SEC22A: variants seen among roughly 807,000 people sequenced by gnomAD.
The protein encoded by SEC22A is vesicle-trafficking protein SEC22a.
Under a neutral mutation model 35.3 loss-of-function variants are expected in SEC22A, and 22 were observed. That is an observed-to-expected ratio of 0.62 (90% CI 0.45 to 0.89). The LOEUF is 0.89. Among genes scored for constraint, SEC22A ranks in the 40% least tolerant of loss-of-function variants. SEC22A has a pLI of 0.00. For synonymous variants in SEC22A, 119 were observed against 129.5 expected (o/e 0.92, Z 0.55); for missense variants, 354 against 362.5 (o/e 0.98, Z 0.19).
chr3:123,231,095 G>A (rs1001047860), intron 4 of SEC22A, among the ~76,000 whole-genome samples: 5 of 152,042 alleles, frequency 3.3e-5, no homozygotes, highest in African/African-American at 1.2e-4. Flanking sequence ...ATGATAAAAG[G>A]GTGAATCAAT....
In SEC22A at chr3:123,225,315, G is replaced by C; in HGVS notation, c.541+18G>C. On this transcript the variant is annotated intron_variant, in intron 4 of 6. Transcript: ENST00000492595. ...TTCTTCTGGTGAGTTCTGGATCTCA[G>C]TTATTTTATTTTAAAAAAATCCTTG... 6.8e-7 allele frequency: 1 copy of C among 1,460,484 alleles called. No homozygotes were observed. The highest frequency in any genetic ancestry group is 9.3e-7 in the Non-Finnish European group (1 of 1,079,954). 90.5% of individuals were successfully genotyped at this position (1,460,484 alleles called of 1,614,324 possible).
At position 123,271,516 on chromosome 3, in the gene SEC22A, G is replaced by T; in HGVS notation, c.724-6G>T. The T allele has an allele frequency of 1.2e-6, 2 of 1,608,318 alleles. No homozygotes were observed. Among genetic ancestry groups the T allele is most frequent in the Non-Finnish European group, 1.7e-6 (2 of 1,177,454 alleles). ...TAATCATCTTTCATTTTTATATTTT[G>T]AACAGTGTTATTTACTTGTCTACTA... On this transcript the variant is annotated splice_region_variant and splice_polypyrimidine_tract_variant and intron_variant, in intron 6 of 6. Coordinates refer to ENST00000492595, the MANE Select transcript of SEC22A (RefSeq NM_012430.5).
intron 2 of SEC22A, among the ~76,000 whole-genome samples, chr3:123,222,733 A>G (rs959468665): frequency 1.3e-5 from 2 of 152,208 alleles, no homozygotes; most frequent in East Asian, 3.8e-4. Flanking sequence ...GATGTTAGAG[A>G]GTACTTGGTG....
intron 2 of SEC22A, among the ~76,000 whole-genome samples, chr3:123,216,609 T>C (rs952792404): frequency 1.3e-5 from 2 of 152,222 alleles, no homozygotes; most frequent in African/African-American, 4.8e-5. Flanking sequence ...AATTGAAAGT[T>C]GGCCATGTAA....
chr3:123,269,112 T>A (rs1938089149), intron 6 of SEC22A, among the ~76,000 whole-genome samples: 1 of 151,962 alleles, frequency 6.6e-6, no homozygotes, highest in African/African-American at 2.4e-5. Flanking sequence ...TTCTTTGTAA[T>A]TAATAAGTAA....
At chr3:123,258,521 G>A (rs1313214820) in intron 5 of SEC22A, among the ~76,000 whole-genome samples, 1 of 152,164 alleles carries the variant, frequency 6.6e-6, no homozygotes. Context: ...CCTCTGGGGT[G>A]CAACTGGCCT....
At chr3:123,252,752 G>C (rs1473400754) in intron 5 of SEC22A, among the ~76,000 whole-genome samples, 1 of 152,150 alleles carries the variant, frequency 6.6e-6, no homozygotes, top group Non-Finnish European at 1.5e-5. Flanking sequence ...GTTTCTTCCA[G>C]ATTATTAACT....
chr3:123,209,138 C>A, intron 1 of SEC22A, 61 bp from the exon 2 acceptor site: 2 of 1,317,306 alleles, frequency 1.5e-6, no homozygotes, highest in Non-Finnish European at 1.1e-6. Context: ...AACATTTTTA[C>A]ATATGCTTAT....
chr3:123,245,663 G>A (rs1418354922), intron 4 of SEC22A, among the ~76,000 whole-genome samples: 1 of 151,508 alleles, frequency 6.6e-6, no homozygotes, highest in African/African-American at 2.4e-5. Context: ...TTGTGACCCT[G>A]TCTCAAAAAA....
intron 2 of SEC22A, among the ~76,000 whole-genome samples, chr3:123,211,953 C>T (rs759234762): frequency 2.0e-5 from 3 of 152,008 alleles, no homozygotes; most frequent in Non-Finnish European, 4.4e-5. Context: ...GCTACTGTGG[C>T]GACATACGTG....
chr3:123,233,508 G>A (rs1339982156), intron 4 of SEC22A, among the ~76,000 whole-genome samples: 1 of 152,156 alleles, frequency 6.6e-6, no homozygotes, highest in Admixed American at 6.5e-5. Flanking sequence ...TTTATCTCAG[G>A]TGTGCAAGGT....
At chr3:123,238,284 C>T (rs1400194781) in intron 4 of SEC22A, among the ~76,000 whole-genome samples, 1 of 152,186 alleles carries the variant, frequency 6.6e-6, no homozygotes, top group Non-Finnish European at 1.5e-5. Context: ...CTGCAACCTC[C>T]ACCTCCTGGG....
At chr3:123,241,629 A>G (rs1334062292) in intron 4 of SEC22A, among the ~76,000 whole-genome samples, 1 of 152,172 alleles carries the variant, frequency 6.6e-6, no homozygotes, top group Non-Finnish European at 1.5e-5. Flanking sequence ...GAGAAAAAAG[A>G]ATTATTTTCT....
chr3:123,259,732 G>T, intron 6 of SEC22A, 143 bp downstream of exon 6: 1 of 658,380 alleles, frequency 1.5e-6, no homozygotes, highest in South Asian at 2.0e-5. Flanking sequence ...TTAACTTTGT[G>T]ACCTATGTCT....
At chr3:123,206,347 G>A (rs527959534) in intron 1 of SEC22A, among the ~76,000 whole-genome samples, 2 of 152,124 alleles carry the variant, frequency 1.3e-5, no homozygotes, top group Admixed American at 6.5e-5. Context: ...TGGGATTATG[G>A]GTATAAGCCA....
chr3:123,225,008 A>G (rs1318884133), intron 3 of SEC22A, 95 bp from the exon 4 acceptor site: 3 of 792,440 alleles, frequency 3.8e-6, no homozygotes, highest in Admixed American at 4.8e-5. Flanking sequence ...TTTGAATAAT[A>G]AACTACCTGT....
chr3:123,253,839 CATTTTTTCTG>C (rs1486336905), intron 5 of SEC22A, among the ~76,000 whole-genome samples: 4 of 151,752 alleles, frequency 2.6e-5, no homozygotes, highest in Middle Eastern at 3.4e-3. Flanking sequence ...GAAATAAAAG[CATTTTTTCTG>C]ATTATATGCT....
At chr3:123,248,592 TAAATG>T (rs1937585092) in intron 5 of SEC22A, among the ~76,000 whole-genome samples, 1 of 152,188 alleles carries the variant, frequency 6.6e-6, no homozygotes, top group Non-Finnish European at 1.5e-5. Flanking sequence ...AAGATCTAAA[TAAATG>T]GAGAGATATT....
intron 6 of SEC22A, among the ~76,000 whole-genome samples, chr3:123,267,469 C>T (rs1411047780): frequency 1.3e-5 from 2 of 152,124 alleles, no homozygotes; most frequent in African/African-American, 2.4e-5. Flanking sequence ...TAGTTCAAGA[C>T]ACCTTATCTC....
Sources: allele counts gnomAD v4.1 joint callset (sites outside exome capture counted in the v4.1 genomes callset), GRCh38; gene constraint gnomAD v4.1.1; transcripts MANE v1.5; gene names NCBI Gene and HGNC (gene_info 2026-07-23, HGNC 2026-07-21).